The following KIRREL3 variants were observed in gnomAD, a reference collection of about 807,000 sequenced individuals.
KIRREL3 encodes the protein kirre like nephrin family adhesion molecule 3, also known as kin of IRRE-like protein 3.
KIRREL3 carries 36 observed loss-of-function variants against 89.7 expected under a neutral mutation model. That is an observed-to-expected ratio of 0.40 (90% CI 0.31 to 0.53). KIRREL3 has a LOEUF of 0.53. Among genes scored for constraint, KIRREL3 ranks in the 20% least tolerant of loss-of-function variants. The pLI is 0.49. For synonymous variants in KIRREL3, 445 were observed against 441.4 expected (o/e 1.01, Z -0.10); for missense variants, 864 against 1,056.6 (o/e 0.82, Z 2.53).
At position 126,764,978 on chromosome 11, in the gene KIRREL3, G is replaced by A. The variant is rs1297761142; in HGVS notation, c.56-202066C>T. On this transcript the variant is annotated intron_variant, in intron 1 of 16. Transcript: ENST00000525144. This position sits in a 1 kb window ranked among gnomAD's most constrained non-coding sequence, Gnocchi z 4.2. ...TTGCTATATTTTGGAAACTTTTGAG[G>A]GTACAAATAGTATACAGGTCAAAAA... Among the ~76,000 whole-genome samples, 1 of 152,020 alleles carries A rather than the reference G, an allele frequency of 6.6e-6. No homozygotes were observed. The highest frequency in any genetic ancestry group is 1.9e-4 in the East Asian group (1 of 5,194).
At chr11:126,916,944 G>A (rs113921820) in intron 1 of KIRREL3, among the ~76,000 whole-genome samples, 1 of 152,186 alleles carries the variant, frequency 6.6e-6, no homozygotes, top group African/African-American at 2.4e-5. Context: ...GTTCTCCTAC[G>A]ACTGTTTCTG....
In KIRREL3 at chr11:126,668,973, A is replaced by G. The variant is rs544060575; in HGVS notation, c.56-106061T>C. 5.1e-4 allele frequency among the ~76,000 whole-genome samples: 77 copies of G among 151,926 alleles called. No homozygotes were observed. The highest frequency in any genetic ancestry group is 7.7e-4 in the African/African-American group (32 of 41,426). On this transcript the variant is annotated intron_variant, in intron 1 of 16. Transcript: ENST00000525144. The surrounding 1 kb of genome is among the most constrained non-coding windows in gnomAD (Gnocchi z 4.4). ...ACTGACAGTAAGAGTGTCCAGGATG[A>G]GGGAATGCATGTTTCCAGTGACTCC... is the stretch of plus-strand genomic sequence containing the variant.
Position 126,689,076 on chromosome 11 carries a change from GAGAGAGT to G in KIRREL3, c.56-126171_56-126165del, listed in dbSNP as rs1946781017. ...AGAGAGAGAGAGAGAGAGAGAGAGA[GAGAGAGT>G]ATTGTAATAACGTATTGAGCATGAG... On this transcript the variant is annotated intron_variant, in intron 1 of 16. Transcript: ENST00000525144. The surrounding 1 kb of genome is among the most constrained non-coding windows in gnomAD (Gnocchi z 5.2). Among the ~76,000 whole-genome samples, 1 of 148,732 alleles carries G rather than the reference GAGAGAGT, an allele frequency of 6.7e-6. No individual in the cohort carries two copies. Among genetic ancestry groups the G allele is most frequent in the African/African-American group, 2.6e-5 (1 of 38,648 alleles).
rs1949984026 is a variant in KIRREL3, at chr11:126,990,107, C to G, written c.55+10348G>C. On this transcript the variant is annotated intron_variant, in intron 1 of 16. Transcript: ENST00000525144. This position sits in a 1 kb window ranked among gnomAD's most constrained non-coding sequence, Gnocchi z 6.3. ...AGGGGGCACAGGCCTGGAGGCGGCTCTAGGGAGAGGTAGGGGCTCTGGGCT... is the reference window on the plus strand; with the variant it reads ...AGGGGGCACAGGCCTGGAGGCGGCTGTAGGGAGAGGTAGGGGCTCTGGGCT... Among the ~76,000 whole-genome samples, 1 of 152,130 alleles carries G rather than the reference C, an allele frequency of 6.6e-6. No individual in the cohort carries two copies. Among genetic ancestry groups the G allele is most frequent in the Non-Finnish European group, 1.5e-5 (1 of 67,996 alleles).
At chr11:126,799,365 T>C (rs1007964881) in intron 1 of KIRREL3, among the ~76,000 whole-genome samples, 3 of 133,916 alleles carry the variant, frequency 2.2e-5, no homozygotes, top group Admixed American at 7.6e-5. Context: ...TGTGTATCTG[T>C]GTATCTGTGT....
chr11:126,842,719 A>T (rs1232210975), intron 1 of KIRREL3, among the ~76,000 whole-genome samples: 1 of 152,194 alleles, frequency 6.6e-6, no homozygotes. Flanking sequence ...TGGAGCAACA[A>T]TTAGGGGCTG....
intron 1 of KIRREL3, among the ~76,000 whole-genome samples, chr11:126,798,342 A>G (rs1326014665): frequency 1.4e-5 from 2 of 142,220 alleles, no homozygotes; most frequent in East Asian, 4.2e-4. Flanking sequence ...CTGCTGGCTG[A>G]TGTTCAGGGT....
At chr11:126,986,928 C>A (rs1271755868) in intron 1 of KIRREL3, among the ~76,000 whole-genome samples, 1 of 152,162 alleles carries the variant, frequency 6.6e-6, no homozygotes, top group African/African-American at 2.4e-5. Flanking sequence ...TTGATGGCAC[C>A]TGTGCTCCAA....
At chr11:126,728,848 C>T (rs1460486148) in intron 1 of KIRREL3, among the ~76,000 whole-genome samples, 1 of 152,246 alleles carries the variant, frequency 6.6e-6, no homozygotes, top group Non-Finnish European at 1.5e-5. Flanking sequence ...AAGGCCTGAG[C>T]TTGCCTCCCT....
Position 126,776,554 on chromosome 11 carries a change from G to T in KIRREL3, c.56-213642C>A, listed in dbSNP as rs924935109. On this transcript the variant is annotated intron_variant, in intron 1 of 16. Transcript: ENST00000525144. This position sits in a 1 kb window ranked among gnomAD's most constrained non-coding sequence, Gnocchi z 4.7. ...AGAGCCGTCGGTAGGGTTAATGCAG[G>T]TCCCTTAAGAGAGATTGAGTCCTTC... is the stretch of plus-strand genomic sequence containing the variant. Among the ~76,000 whole-genome samples the T allele has an allele frequency of 4.6e-5, 7 of 152,166 alleles. No homozygotes were observed. The highest frequency in any genetic ancestry group is 1.7e-4 in the African/African-American group (7 of 41,436).
intron 1 of KIRREL3, among the ~76,000 whole-genome samples, chr11:126,856,532 A>G (rs1944513566): frequency 6.8e-6 from 1 of 148,080 alleles, no homozygotes; most frequent in Non-Finnish European, 1.5e-5. Flanking sequence ...CATATTGAGT[A>G]TTTTCTGATA....
intron 1 of KIRREL3, among the ~76,000 whole-genome samples, chr11:126,721,485 C>T (rs58692042): frequency 0.064 from 9,610 of 149,086 alleles, 426 homozygotes; most frequent in African/African-American, 0.12. Flanking sequence ...AGCTGAGATG[C>T]GCCTTTGCAC....
At chr11:126,741,977 T>C (rs1949002234) in intron 1 of KIRREL3, among the ~76,000 whole-genome samples, 2 of 152,192 alleles carry the variant, frequency 1.3e-5, no homozygotes, top group Non-Finnish European at 2.9e-5. Flanking sequence ...AGCATTTCAC[T>C]AGCAGAGAAT....
chr11:126,821,793 A>G lies in KIRREL3; in HGVS notation c.55+178662T>C, dbSNP rs374316314. Among the ~76,000 whole-genome samples, 184 of 152,174 alleles carry G rather than the reference A, an allele frequency of 1.2e-3. 3 individuals are homozygous for G. The South Asian group carries it at 0.036, about 30-fold the overall frequency. On this transcript the variant is annotated intron_variant, in intron 1 of 16. Coordinates refer to ENST00000525144, the MANE Select transcript of KIRREL3 (RefSeq NM_032531.4). ...TCAGGTCAGAATGACGCAGGGTGCA[A>G]AAGATCCCACCAGCCCTAGTTGGTT...
chr11:126,456,298 C>T (rs975410675), intron 7 of KIRREL3, 51 bp downstream of exon 7: 18 of 1,292,654 alleles, frequency 1.4e-5, no homozygotes, highest in South Asian at 2.5e-5. Context: ...GTGAGAGGCA[C>T]GGGGGTGGGG....
At chr11:126,959,988 T>C (rs975338814) in intron 1 of KIRREL3, among the ~76,000 whole-genome samples, 1 of 152,180 alleles carries the variant, frequency 6.6e-6, no homozygotes, top group Non-Finnish European at 1.5e-5. Context: ...ACTGATCCAC[T>C]GTTTATTGTT....
At chr11:126,874,970 C>T (rs918867981) in intron 1 of KIRREL3, among the ~76,000 whole-genome samples, 3 of 152,162 alleles carry the variant, frequency 2.0e-5, no homozygotes, top group Non-Finnish European at 4.4e-5. Flanking sequence ...TGCCCTAAAT[C>T]GGGAGAGGTC....
chr11:126,424,931 A>G lies in KIRREL3; in HGVS notation c.1986T>C (p.Arg662=), dbSNP rs1171449365. The change falls in exon 17 of 17, where the codon CGT becomes CGC. Residue 662 remains arginine, a synonymous_variant. Transcript: ENST00000525144. ...ISLSSCQPDL[R]PAGKQRVPTG... is the part of the protein sequence containing the mutation. The stretch of plus-strand genomic sequence containing the variant: ...TGGGCACACGCTGCTTGCCCGCAGG[A>G]CGCAGGTCGGGCTGGCAGCTGGAGA... The G allele has an allele frequency of 6.2e-7, 1 of 1,602,504 alleles. No individual in the cohort carries two copies. Among genetic ancestry groups the G allele is most frequent in the Admixed American group, 1.7e-5 (1 of 59,552 alleles).
At position 126,643,349 on chromosome 11, in the gene KIRREL3, T is replaced by C. The variant is rs1449284632; in HGVS notation, c.56-80437A>G. On this transcript the variant is annotated intron_variant, in intron 1 of 16. Coordinates refer to ENST00000525144, the MANE Select transcript of KIRREL3 (RefSeq NM_032531.4). The surrounding 1 kb of genome is among the most constrained non-coding windows in gnomAD (Gnocchi z 4.5). ...TTAGGGAAACACAGAGGGGAGCTCA[T>C]CAATAGTTGAAGAGATTGGGCTAAA... Among the ~76,000 whole-genome samples, 1 of 152,176 alleles carries C rather than the reference T, an allele frequency of 6.6e-6. No individual in the cohort carries two copies. Among genetic ancestry groups the C allele is most frequent in the Non-Finnish European group, 1.5e-5 (1 of 68,036 alleles).
Sources: gnomAD v4.1 joint callset for allele counts (sites outside exome capture counted in the v4.1 genomes callset) on GRCh38, gnomAD v4.1.1 for gene constraint, Gnocchi (gnomAD v3.1) non-coding constraint, MANE v1.5 for transcripts, NCBI Gene and HGNC (gene_info 2026-07-23, HGNC 2026-07-21) for gene names.